The following TEX48 variants were observed in gnomAD, a reference collection of about 807,000 sequenced individuals.
TEX48 encodes the protein testis expressed 48, also known as testis-expressed protein 48.
TEX48 carries 10 observed loss-of-function variants against 13.2 expected under a neutral mutation model. The observed-to-expected ratio is 0.75, with a 90% CI of 0.47 to 1.28. The LOEUF is 1.28. Ranked by LOEUF, TEX48 falls within the 50% of genes most tolerant of loss-of-function variation. The pLI is 0.00. For synonymous variants in TEX48, 45 were observed against 52.3 expected (o/e 0.86, Z 0.60); for missense variants, 116 against 139.4 (o/e 0.83, Z 0.84).
chr9:114,674,604 TCCTTCCTTCCTTCCTTCC>T (rs1828019743), intron 1 of TEX48, among the ~76,000 whole-genome samples: 3 of 18,716 alleles, frequency 1.6e-4, no homozygotes, highest in African/African-American at 4.3e-4. Flanking sequence ...TCTTTTTCTT[TCCTTCCTTCCTTCCTTCC>T]TTCCTTCCTT....
At chr9:114,679,956 C>A (rs1371757885) in intron 1 of TEX48, among the ~76,000 whole-genome samples, 2 of 152,134 alleles carry the variant, frequency 1.3e-5, no homozygotes, top group South Asian at 2.1e-4. Flanking sequence ...GCTAACACTC[C>A]CGTTGTGCCT....
rs1441246245 is a variant in TEX48 at position 114,671,509 on chromosome 9, T to C, written c.5-4A>G. The stretch of plus-strand genomic sequence containing the variant: ...AAGATCAGGTTTTGGTGGGCTGCTG[T>C]TGGAGGCAAAGGAATGAGGGGCATG... On this transcript the variant is annotated splice_polypyrimidine_tract_variant and splice_region_variant and intron_variant, in intron 2 of 4. Coordinates refer to ENST00000436752, the MANE Select transcript of TEX48 (RefSeq NM_001199233.2). 1 of 1,517,154 alleles carries C rather than the reference T, an allele frequency of 6.6e-7. No individual in the cohort carries two copies. Among genetic ancestry groups the C allele is most frequent in the Non-Finnish European group, 8.8e-7 (1 of 1,141,768 alleles). 94.0% of individuals were successfully genotyped at this position (1,517,154 alleles called of 1,614,324 possible).
chr9:114,671,643 A>G, intron 2 of TEX48, 77 bp downstream of exon 2: 1 of 1,533,590 alleles, frequency 6.5e-7, no homozygotes, highest in Admixed American at 2.0e-5. Context: ...CCTCTCCCAA[A>G]TCTTCTGTAG....
chr9:114,671,390 C>A lies in TEX48; in HGVS notation c.120G>T (p.Ser40=). 4 of 1,535,250 alleles carry A rather than the reference C, an allele frequency of 2.6e-6. No homozygotes were observed. The South Asian group carries it at 3.6e-5, about 14-fold the overall frequency. The part of the protein sequence containing the change: ...VPSQTQEHKP[S]TQNLLLQKDE... ...TCCTTATCTGATACCTACTTTGGGT[C>A]GATGGCTTGTGCTCCTGGGTTTGAC... is the stretch of plus-strand genomic sequence containing the variant. The change falls in exon 3 of 5, where the codon TCG becomes TCT. Residue 40 remains serine (S), a synonymous_variant. Transcript: ENST00000436752.
In TEX48 at chr9:114,671,776, T is replaced by C; in HGVS notation, c.-53A>G. The stretch of plus-strand genomic sequence containing the variant: ...CAGCTTTGTCTGCAGGGGTGCCTTG[T>C]TGAATCAGCCAGTCTTGAGTTTGAG... On this transcript the variant is annotated 5_prime_UTR_variant, in exon 2 of 5. Transcript: ENST00000436752. The C allele has an allele frequency of 1.3e-6, 2 of 1,533,748 alleles. No individual in the cohort carries two copies. The highest frequency in any genetic ancestry group is 2.4e-5 in the South Asian group (2 of 84,012).
chr9:114,674,820 A>G (rs1828031972), intron 1 of TEX48, among the ~76,000 whole-genome samples: 1 of 148,382 alleles, frequency 6.7e-6, no homozygotes, highest in Non-Finnish European at 1.5e-5. Context: ...CTACAGGTGC[A>G]TGCCACCATG....
intron 2 of TEX48, 86 bp downstream of exon 2, chr9:114,671,634 C>A: frequency 3.3e-6 from 5 of 1,531,020 alleles, no homozygotes; most frequent in Non-Finnish European, 3.5e-6. Flanking sequence ...TACTCCTCCC[C>A]TCTCCCAAAT....
chr9:114,678,446 C>T (rs1828118675), intron 1 of TEX48, among the ~76,000 whole-genome samples: 1 of 152,126 alleles, frequency 6.6e-6, no homozygotes, highest in Non-Finnish European at 1.5e-5. Context: ...AGAATCTTCC[C>T]AAATTTCAGA....
In TEX48 at chr9:114,671,745, C is replaced by T; in HGVS notation, c.-22G>A. ...CCATGGAAAGGAGTTGAAACTTCTA[C>T]TCTGCCAGCTTTGTCTGCAGGGGTG... On this transcript the variant is annotated 5_prime_UTR_variant, in exon 2 of 5. Coordinates refer to ENST00000436752, the MANE Select transcript of TEX48 (RefSeq NM_001199233.2). The T allele has an allele frequency of 1.3e-6, 2 of 1,535,656 alleles. No individual in the cohort carries two copies. The highest frequency in any genetic ancestry group is 1.2e-5 in the South Asian group (1 of 84,056).
At chr9:114,679,152 T>G (rs1204246762) in intron 1 of TEX48, among the ~76,000 whole-genome samples, 1 of 152,000 alleles carries the variant, frequency 6.6e-6, no homozygotes, top group Non-Finnish European at 1.5e-5. Context: ...AGGAGCCCTT[T>G]CTTTATGCAA....
Position 114,671,831 on chromosome 9 carries a change from A to C in TEX48, c.-104-4T>G, listed in dbSNP as rs1332424132. 5 of 1,237,322 alleles carry C rather than the reference A, an allele frequency of 4.0e-6. No individual in the cohort carries two copies. Among genetic ancestry groups the C allele is most frequent in the Non-Finnish European group, 5.7e-6 (5 of 875,942 alleles). The allele number at this position is 1,237,322 out of a possible 1,614,324, so 76.6% of individuals were successfully genotyped here. On this transcript the variant is annotated splice_region_variant and splice_polypyrimidine_tract_variant and intron_variant, in intron 1 of 4. Transcript: ENST00000436752. ...GTTCACTGGGCTGGGCTGTTTCCTA[A>C]GTAAACATAAGACCGTGGCTGAAAA...
At chr9:114,674,611 TTCCTTCCTTCC>T (rs1380361148) in intron 1 of TEX48, among the ~76,000 whole-genome samples, 1 of 25,226 alleles carries the variant, frequency 4.0e-5, no homozygotes, top group Non-Finnish European at 1.0e-4. Context: ...CTTTCCTTCC[TTCCTTCCTTCC>T]TTCCTTCCTT....
At position 114,668,255 on chromosome 9, in the gene TEX48, G is replaced by A. The variant is rs1564315284; in HGVS notation, c.210C>T (p.Pro70=). Reference sequence around the variant, plus strand: ...AAGTGCTCTTTTTTGTCTGGATCAGGGGTGTTCTCGAAGGCAAATGGGAGA... The same window carrying A: ...AAGTGCTCTTTTTTGTCTGGATCAGAGGTGTTCTCGAAGGCAAATGGGAGA... ...NAVSHLPSRT[P]LIQTKKSTSS... The change falls in exon 4 of 5, where the codon CCC becomes CCT. Residue 70 remains proline, a synonymous_variant. Transcript: ENST00000436752. The A allele has an allele frequency of 2.6e-6, 4 of 1,535,444 alleles. No homozygotes were observed. The highest frequency in any genetic ancestry group is 3.5e-6 in the Non-Finnish European group (4 of 1,146,812).
At chr9:114,667,032 C>T (rs1827854143) in intron 4 of TEX48, among the ~76,000 whole-genome samples, 1 of 152,182 alleles carries the variant, frequency 6.6e-6, no homozygotes, top group Admixed American at 6.5e-5. Context: ...GGCTCTGACA[C>T]TTACGTCATT....
intron 4 of TEX48, among the ~76,000 whole-genome samples, chr9:114,667,136 G>A (rs1470612171): frequency 2.0e-5 from 3 of 152,156 alleles, no homozygotes; most frequent in Non-Finnish European, 2.9e-5. Flanking sequence ...GCGAGCTAGT[G>A]GGGTTCCTAC....
At position 114,666,695 on chromosome 9, in the gene TEX48, C is replaced by T. The variant is rs1034208598; in HGVS notation, c.311G>A (p.Arg104His). ...GAATGGCCAGTGCTCCTGGCAGTAG[C>T]GGTTTAAGTTTCTCTTGTAAAAATT... ...QRNFYKRNLNRYCQEHWPFQP... is the reference protein window; with the variant it reads ...QRNFYKRNLNHYCQEHWPFQP... Residue 104 changes from arginine to histidine, a missense_variant, in exon 5 of 5, where the codon CGC becomes CAC. Physicochemically the swap from Arg to His is conservative, Grantham distance 29. Transcript: ENST00000436752. 9.1e-5 allele frequency: 140 copies of T among 1,535,240 alleles called. 2 individuals carry two copies. The East Asian group carries it at 3.2e-3, about 35-fold the overall frequency.
chr9:114,677,121 G>A (rs1233004303), intron 1 of TEX48, among the ~76,000 whole-genome samples: 2 of 152,180 alleles, frequency 1.3e-5, no homozygotes, highest in Non-Finnish European at 2.9e-5. Context: ...ATGCGGGCTA[G>A]ACACATACAG....
chr9:114,668,288 A>T lies in TEX48; in HGVS notation c.177T>A (p.Ile59=). 2.0e-6 allele frequency: 3 copies of T among 1,535,692 alleles called. No individual in the cohort carries two copies. In the African/African-American group the frequency reaches 4.1e-5, roughly 21 times the overall value. The change falls in exon 4 of 5, where the codon ATT becomes ATA. Residue 59 remains isoleucine, a synonymous_variant. Coordinates refer to ENST00000436752, the MANE Select transcript of TEX48 (RefSeq NM_001199233.2). ...TCGAAGGCAAATGGGAGACTGCGTT[A>T]ATGCGCTTGGGATTTTGTCTGTCAA... ...DELDRQNPKR[I]NAVSHLPSRT...
intron 4 of TEX48, 67 bp downstream of exon 4, chr9:114,668,139 G>C (rs1564315231): frequency 6.5e-7 from 1 of 1,527,500 alleles, no homozygotes; most frequent in Non-Finnish European, 8.8e-7. Context: ...ATGGGGTCTG[G>C]TTATTAGGAC....
Sources: gnomAD v4.1 joint callset for allele counts (sites outside exome capture counted in the v4.1 genomes callset) on GRCh38, gnomAD v4.1.1 for gene constraint, MANE v1.5 for transcripts, NCBI Gene and HGNC (gene_info 2026-07-23, HGNC 2026-07-21) for gene names.